DOCK7: variants seen among roughly 807,000 people sequenced by gnomAD.
The protein encoded by DOCK7 is dedicator of cytokinesis 7, also known as dedicator of cytokinesis protein 7.
A neutral mutation model predicts 271.0 loss-of-function variants in DOCK7; 138 were observed. That is an observed-to-expected ratio of 0.51 (90% CI 0.44 to 0.59). The LOEUF (loss-of-function observed/expected upper bound fraction) is 0.59, where lower values mean the gene tolerates loss of function less well. Ranked by LOEUF, DOCK7 falls within the 20% of genes least tolerant of loss-of-function variation. DOCK7 has a pLI of 0.00. For synonymous variants in DOCK7, 823 were observed against 876.1 expected (o/e 0.94, Z 1.07); for missense variants, 2,066 against 2,592.4 (o/e 0.80, Z 4.41).
In DOCK7 at chr1:62,578,932, G is replaced by A; in HGVS notation, c.1906C>T (p.Leu636Phe). ...PDFHEEIKVK[L>F]PATLTDHHHL... ...TGATGGTCAGTTAAAGTAGCAGGAA[G>A]CTTAACCTTGATTTCTTCATGAAAA... Residue 636 changes from leucine to phenylalanine, a missense_variant, in exon 17 of 50, where the codon CTT (leucine) becomes TTT (phenylalanine). Leu to Phe is a conservative substitution (Grantham distance 22). Around this residue, in one of 2 missense-constraint regions of DOCK7, gnomAD observed 1,414 missense variants for 1,670.4 expected, o/e 0.85. Coordinates refer to ENST00000635253, the MANE Select transcript of DOCK7 (RefSeq NM_001367561.1). The A allele has an allele frequency of 6.3e-7, 1 of 1,590,936 alleles. No homozygotes were observed. The highest frequency in any genetic ancestry group is 1.2e-5 in the South Asian group (1 of 86,470).
Position 62,639,426 on chromosome 1 carries a change from CTTTTTT to C in DOCK7, c.819-2829_819-2824del, listed in dbSNP as rs386367151. Among the ~76,000 whole-genome samples the C allele has an allele frequency of 2.1e-3, 160 of 75,846 alleles. 1 individual carries two copies. Among genetic ancestry groups the C allele is most frequent in the Non-Finnish European group, 2.6e-3 (108 of 40,856 alleles). The allele number at this position is 75,846 out of a possible 152,430, so 49.8% of individuals were successfully genotyped here. Reference sequence around the variant, plus strand: ...AACTTAGTGCAAACTTTGTAATACTCTTTTTTTTTTTTTTTTTTTTTTTTTTGAGAT... The same window carrying C: ...AACTTAGTGCAAACTTTGTAATACTCTTTTTTTTTTTTTTTTTTTTGAGAT... On this transcript the variant is annotated intron_variant, in intron 7 of 49. Transcript: ENST00000635253.
At chr1:62,653,307 T>A (rs1049907196) in intron 4 of DOCK7, among the ~76,000 whole-genome samples, 1 of 152,198 alleles carries the variant, frequency 6.6e-6, no homozygotes, top group Non-Finnish European at 1.5e-5. Flanking sequence ...AAATATTAGT[T>A]AGAAACAGCA....
intron 23 of DOCK7, 131 bp from the exon 24 acceptor site, chr1:62,543,876 T>C: frequency 3.6e-6 from 2 of 552,822 alleles, no homozygotes; most frequent in Non-Finnish European, 3.1e-6. Context: ...ATTTTATTGC[T>C]CATCTCATTT....
intron 14 of DOCK7, chr1:62,604,425 T>C (rs1158280673): frequency 4.4e-5 from 39 of 882,902 alleles, no homozygotes; most frequent in Non-Finnish European, 6.0e-5. Context: ...CCTCTAATCT[T>C]CCTCAGATTT....
chr1:62,558,849 C>T, intron 20 of DOCK7, 140 bp downstream of exon 20: 2 of 667,426 alleles, frequency 3.0e-6, no homozygotes, highest in South Asian at 2.3e-5. Flanking sequence ...GCATTATAAA[C>T]AAGTAAATAA....
At chr1:62,597,965 A>G in intron 14 of DOCK7, 3 of 1,557,416 alleles carry the variant, frequency 1.9e-6, no homozygotes, top group Non-Finnish European at 2.6e-6. Flanking sequence ...AAAAAATTCT[A>G]CTTCAACAAA....
In DOCK7 at chr1:62,496,703, G is replaced by A. The variant is rs186930664; in HGVS notation, c.4765-206C>T. On this transcript the variant is annotated intron_variant, in intron 37 of 49. Transcript: ENST00000635253. ...GTTGTGAATAATGTGCTACAAAACA[G>A]GATTTTAAGAAGTCATGTGTTAAGG... Among the ~76,000 whole-genome samples, 813 of 152,192 alleles carry A rather than the reference G, an allele frequency of 5.3e-3. 12 individuals are homozygous for A. The highest frequency in any genetic ancestry group is 0.018 in the African/African-American group (766 of 41,538).
At chr1:62,601,877 T>C (rs1234028029) in intron 14 of DOCK7, 9 of 1,601,804 alleles carry the variant, frequency 5.6e-6, no homozygotes, top group African/African-American at 2.7e-5. Flanking sequence ...TGTGATGTTA[T>C]ATCAGGTAAA....
intron 18 of DOCK7, among the ~76,000 whole-genome samples, chr1:62,569,154 C>A (rs879157477): frequency 4.6e-5 from 7 of 152,076 alleles, no homozygotes; most frequent in Non-Finnish European, 1.0e-4. Context: ...TAAATTCTAC[C>A]AGAGATACAA....
intron 14 of DOCK7, among the ~76,000 whole-genome samples, chr1:62,615,404 G>A (rs1332182616): frequency 2.0e-5 from 3 of 151,700 alleles, no homozygotes; most frequent in African/African-American, 7.2e-5. Flanking sequence ...AGAGCACTAG[G>A]ATCATTTCCA....
At chr1:62,604,116 T>A (rs763104631) in intron 14 of DOCK7, 2 of 1,613,394 alleles carry the variant, frequency 1.2e-6, no homozygotes, top group Non-Finnish European at 8.5e-7. Flanking sequence ...AACTATACGC[T>A]ACATCTAGTT....
At position 62,475,211 on chromosome 1, in the gene DOCK7, A is replaced by AT. The variant is rs1203983920; in HGVS notation, c.6101dup (p.Asn2034LysfsTer14). ...AGTGCTAGCAAAAAGCACTAACCTGATTCACTGTGGTGCCTACAGATCCCT... is the reference window on the plus strand; with the variant it reads ...AGTGCTAGCAAAAAGCACTAACCTGATTTCACTGTGGTGCCTACAGATCCCT... On this transcript the variant is annotated frameshift_variant, in exon 47 of 50. Coordinates refer to ENST00000635253, the MANE Select transcript of DOCK7 (RefSeq NM_001367561.1). LOFTEE classifies it high-confidence loss of function. The AT allele has an allele frequency of 6.2e-7, 1 of 1,613,142 alleles. No homozygotes were observed. Among genetic ancestry groups the AT allele is most frequent in the Non-Finnish European group, 8.5e-7 (1 of 1,179,712 alleles).
At chr1:62,640,366 C>CA (rs1320172809) in intron 7 of DOCK7, among the ~76,000 whole-genome samples, 2 of 151,934 alleles carry the variant, frequency 1.3e-5, no homozygotes, top group Non-Finnish European at 2.9e-5. Flanking sequence ...ACTAAAAATA[C>CA]AAAAAATTAG....
intron 18 of DOCK7, among the ~76,000 whole-genome samples, chr1:62,571,702 C>A (rs1175605587): frequency 1.3e-5 from 2 of 152,154 alleles, no homozygotes; most frequent in African/African-American, 4.8e-5. Context: ...TACATATACA[C>A]CGTGGAATAC....
chr1:62,613,964 T>C (rs572349537), intron 14 of DOCK7, among the ~76,000 whole-genome samples: 42 of 152,286 alleles, frequency 2.8e-4, no homozygotes, highest in African/African-American at 7.7e-4. Flanking sequence ...TCAGAGTTAA[T>C]AGATAATGGC....
intron 33 of DOCK7, 44 bp downstream of exon 33, chr1:62,513,400 G>C: frequency 6.5e-7 from 1 of 1,537,224 alleles, no homozygotes; most frequent in Non-Finnish European, 8.7e-7. Context: ...TAGCAACAAT[G>C]ATCATTACAA....
chr1:62,637,711 A>C (rs1012918709), intron 7 of DOCK7, among the ~76,000 whole-genome samples: 6 of 152,228 alleles, frequency 3.9e-5, no homozygotes, highest in Non-Finnish European at 8.8e-5. Flanking sequence ...GGATTTGGAC[A>C]GGATCTTGAG....
intron 14 of DOCK7, chr1:62,604,527 A>G: frequency 3.3e-6 from 4 of 1,221,732 alleles, no homozygotes; most frequent in Non-Finnish European, 4.8e-6. Context: ...ATGCATCTAA[A>G]ACACTGTAAT....
chr1:62,614,821 T>C (rs974023914), intron 14 of DOCK7, among the ~76,000 whole-genome samples: 11 of 151,942 alleles, frequency 7.2e-5, no homozygotes, highest in African/African-American at 2.4e-4. Context: ...CACTGGATAA[T>C]GTTCTTGGAA....
Sources: allele counts gnomAD v4.1 joint callset (sites outside exome capture counted in the v4.1 genomes callset), GRCh38; gene constraint gnomAD v4.1.1; regional missense constraint gnomAD v4.1.1; transcripts MANE v1.5; gene names NCBI Gene and HGNC (gene_info 2026-07-23, HGNC 2026-07-21).